The following SUN2 variants were observed in gnomAD, a reference collection of about 807,000 sequenced individuals.
SUN2 encodes the protein Sad1 and UNC84 domain containing 2.
Under a neutral mutation model 100.0 loss-of-function variants are expected in SUN2, and 60 were observed. The ratio of observed to expected loss-of-function variants is 0.60; its 90% CI spans 0.49 to 0.74. SUN2 has a LOEUF of 0.74. Ranked by LOEUF, SUN2 falls within the 30% of genes least tolerant of loss-of-function variation. The probability of loss-of-function intolerance (pLI) is 0.00; values close to 1 mark genes in which losing one functional copy is unlikely to be tolerated. For synonymous variants in SUN2, 367 were observed against 403.3 expected, an observed-to-expected ratio of 0.91 and a Z score of 1.08; for missense variants, 834 against 954.6, an observed-to-expected ratio of 0.87 and a Z score of 1.66.
chr22:38,741,313 G>T (rs2092855667), intron 10 of SUN2, among the ~76,000 whole-genome samples, 181 bp downstream of exon 10: 1 of 152,160 alleles, frequency 6.6e-6, no homozygotes, highest in South Asian at 2.1e-4. Context: ...ACACCCCAGG[G>T]AGCCCCTGCA....
intron 4 of SUN2, 71 bp from the exon 5 acceptor site, chr22:38,750,391 C>A (rs1201963334): frequency 6.3e-7 from 1 of 1,589,586 alleles, no homozygotes; most frequent in South Asian, 1.1e-5. Flanking sequence ...CTTCTGTGAG[C>A]CAAGACCACA....
chr22:38,741,862 C>G (rs2092860923), intron 9 of SUN2, among the ~76,000 whole-genome samples: 1 of 152,240 alleles, frequency 6.6e-6, no homozygotes, highest in Non-Finnish European at 1.5e-5. Context: ...GTGAGGAGGC[C>G]TGGCGTGGTG....
chr22:38,738,109 G>C lies in SUN2; in HGVS notation c.2040+64C>G. 3.4e-6 allele frequency: 5 copies of C among 1,471,696 alleles called. No homozygotes were observed. Among genetic ancestry groups the C allele is most frequent in the Non-Finnish European group, 3.8e-6 (4 of 1,050,712 alleles). The allele number at this position is 1,471,696 out of a possible 1,614,324, so 91.2% of individuals were successfully genotyped here. ...CCATGCCTGGCAGGGTAAGTGCCCA[G>C]GGAGCACCTGCTGCCTGGATGGGGA... On this transcript the variant is annotated intron_variant, in intron 17 of 17. Transcript: ENST00000689035. The surrounding 1 kb of genome is among the most constrained non-coding windows in gnomAD (Gnocchi z 6.6).
intron 10 of SUN2, among the ~76,000 whole-genome samples, chr22:38,741,285 A>T (rs1325407432): frequency 1.3e-5 from 2 of 152,204 alleles, no homozygotes; most frequent in Admixed American, 6.5e-5. Context: ...CCAGCATGAC[A>T]GGCCGCTGTG....
chr22:38,742,228 T>C (rs2092864473), intron 9 of SUN2, 73 bp downstream of exon 9: 6 of 1,504,716 alleles, frequency 4.0e-6, no homozygotes, highest in Non-Finnish European at 5.3e-6. Context: ...ACTTGTTCTC[T>C]CTGCTGCTGG....
intron 17 of SUN2, 135 bp from the exon 18 acceptor site, chr22:38,736,515 C>T (rs2145916048): frequency 4.5e-6 from 3 of 661,560 alleles, no homozygotes; most frequent in Non-Finnish European, 7.3e-6. Context: ...TGAAGAGAAC[C>T]AGGCTTCAAA....
rs1466505953 is a variant in SUN2, at chr22:38,741,066, G to C, written c.1147-16C>G. 6.3e-7 allele frequency: 1 copy of C among 1,591,358 alleles called. No individual in the cohort carries two copies. The highest frequency in any genetic ancestry group is 1.3e-5 in the African/African-American group (1 of 74,512). ...CCTCGGACTCCTGTGTAGGAAGAAGGGACAAATACAAGAAATACTCATCTC... is the reference window on the plus strand; with the variant it reads ...CCTCGGACTCCTGTGTAGGAAGAAGCGACAAATACAAGAAATACTCATCTC... On this transcript the variant is annotated splice_polypyrimidine_tract_variant and intron_variant, in intron 10 of 17. Transcript: ENST00000689035.
rs758675789 is a variant in SUN2, at chr22:38,741,510, ATCT to A, written c.1127_1129del (p.Lys376del). 6 of 1,613,936 alleles carry A rather than the reference ATCT, an allele frequency of 3.7e-6. No individual in the cohort carries two copies. The highest frequency in any genetic ancestry group is 1.1e-5 in the South Asian group (1 of 91,074). On this transcript the variant is annotated inframe_deletion, in exon 10 of 18. Coordinates refer to ENST00000689035, the MANE Select transcript of SUN2 (RefSeq NM_015374.3). ...CCCGCTGACCTGGGAGGCCCGGACG[ATCT>A]TCTTGAAGAGGTCTTCTGAGTCTTG...
intron 1 of SUN2, among the ~76,000 whole-genome samples, chr22:38,753,898 T>G (rs762281760): frequency 6.6e-6 from 1 of 152,182 alleles, no homozygotes; most frequent in Non-Finnish European, 1.5e-5. Flanking sequence ...GTTTCAGGAA[T>G]GTATTGAAGA....
At position 38,739,749 on chromosome 22, in the gene SUN2, T is replaced by C; in HGVS notation, c.1551A>G (p.Lys517=). 6.2e-7 allele frequency: 1 copy of C among 1,613,700 alleles called. No individual in the cohort carries two copies. Among genetic ancestry groups the C allele is most frequent in the East Asian group, 2.2e-5 (1 of 44,874 alleles). Residue 517 remains lysine (K), a synonymous_variant, in exon 13 of 18, where the codon AAA becomes AAG. Transcript: ENST00000689035. This position sits in a 1 kb window ranked among gnomAD's most constrained non-coding sequence, Gnocchi z 6.7. The part of the protein sequence containing the change: ...AAASLSLTLQ[K]EGVIGVTEEQ... ...CCTCTGTCACTCCAATCACACCTTC[T>C]TTCTGCAGCGTCAGGCTCAGGGAGG... is the stretch of plus-strand genomic sequence containing the variant.
At chr22:38,745,835 AC>A in intron 7 of SUN2, 24 bp from the exon 8 acceptor site, 2 of 1,609,914 alleles carry the variant, frequency 1.2e-6, no homozygotes, top group Non-Finnish European at 1.7e-6. Context: ...AGAGGGTGTT[AC>A]CCCAGCTGGG....
At chr22:38,754,609 C>A in intron 1 of SUN2, 1 of 457,816 alleles carries the variant, frequency 2.2e-6, no homozygotes, top group Non-Finnish European at 4.2e-6. Flanking sequence ...AATCTCCCCT[C>A]CCCCCTCCCT....
chr22:38,754,603 TCCCCTCCCCC>T, intron 1 of SUN2: 5 of 889,144 alleles, frequency 5.6e-6, no homozygotes, highest in Non-Finnish European at 8.0e-6. Flanking sequence ...TAAGGTAATC[TCCCCTCCCCC>T]CTCCCTGCCC....
Position 38,755,296 on chromosome 22 carries a change from C to T in SUN2, c.-38+467G>A, listed in dbSNP as rs1366136594. Reference sequence around the variant, plus strand: ...CCTGCAGAAATTGTCACCAAAGGCGCGCCTCCTGGCTCTCTAAGTCACACC... The same window carrying T: ...CCTGCAGAAATTGTCACCAAAGGCGTGCCTCCTGGCTCTCTAAGTCACACC... On this transcript the variant is annotated intron_variant, in intron 1 of 17. Transcript: ENST00000689035. This position sits in a 1 kb window ranked among gnomAD's most constrained non-coding sequence, Gnocchi z 5.7. 1.8e-6 allele frequency: 2 copies of T among 1,119,444 alleles called. No homozygotes were observed. The allele number at this position is 1,119,444 out of a possible 1,614,324, so 69.3% of individuals were successfully genotyped here. A position where few individuals can be genotyped will look rare whatever the true frequency, so the allele number is the denominator to read the frequency against.
Position 38,751,310 on chromosome 22 carries a change from G to A in SUN2, c.186C>T (p.Ser62=). 1 of 1,614,174 alleles carries A rather than the reference G, an allele frequency of 6.2e-7. No individual in the cohort carries two copies. Among genetic ancestry groups the A allele is most frequent in the African/African-American group, 1.3e-5 (1 of 75,052 alleles). The stretch of plus-strand genomic sequence containing the variant: ...TGTAGTAGGAGGTGTGTGCATCAGA[G>A]GACGGGCCCAGCTGTGGCGCTGGGG... ...RLSPAPQLGP[S]SDAHTSYYSE... Residue 62 remains serine (S), a synonymous_variant, in exon 3 of 18, where the codon TCC becomes TCT. Coordinates refer to ENST00000689035, the MANE Select transcript of SUN2 (RefSeq NM_015374.3).
chr22:38,739,167 G>A lies in SUN2; in HGVS notation c.1663+175C>T, dbSNP rs1394199890. 9 of 895,646 alleles carry A rather than the reference G, an allele frequency of 1.0e-5. No individual in the cohort carries two copies. The highest frequency in any genetic ancestry group is 6.3e-5 in the South Asian group (4 of 63,868). The allele number at this position is 895,646 out of a possible 1,614,324, so 55.5% of individuals were successfully genotyped here. The stretch of plus-strand genomic sequence containing the variant: ...CTCTCCCTGGCCCAGGATGGTACTC[G>A]GTACGTCCTGACTTCCCTGAATTGC... On this transcript the variant is annotated intron_variant, in intron 14 of 17. Coordinates refer to ENST00000689035, the MANE Select transcript of SUN2 (RefSeq NM_015374.3). This position sits in a 1 kb window ranked among gnomAD's most constrained non-coding sequence, Gnocchi z 6.7.
rs143795190 is a variant in SUN2, at chr22:38,738,545, C to T, written c.1947+42G>A. The T allele has an allele frequency of 6.3e-7, 1 of 1,592,842 alleles. No individual in the cohort carries two copies. The highest frequency in any genetic ancestry group is 1.7e-5 in the Admixed American group (1 of 59,232). On this transcript the variant is annotated intron_variant, in intron 16 of 17. Coordinates refer to ENST00000689035, the MANE Select transcript of SUN2 (RefSeq NM_015374.3). This position sits in a 1 kb window ranked among gnomAD's most constrained non-coding sequence, Gnocchi z 6.6. ...CCTCAGTAGAGAGGCCCACAGGATC[C>T]CCCTGCAGCCCCTCTGGCCCCACCA...
Position 38,740,123 on chromosome 22 carries a change from C to A in SUN2, c.1356+144G>T. 1 of 1,253,354 alleles carries A rather than the reference C, an allele frequency of 8.0e-7. No individual in the cohort carries two copies. The highest frequency in any genetic ancestry group is 2.8e-4 in the Middle Eastern group (1 of 3,522). The allele number at this position is 1,253,354 out of a possible 1,614,324, so 77.6% of individuals were successfully genotyped here. On this transcript the variant is annotated intron_variant, in intron 12 of 17. Coordinates refer to ENST00000689035, the MANE Select transcript of SUN2 (RefSeq NM_015374.3). This position sits in a 1 kb window ranked among gnomAD's most constrained non-coding sequence, Gnocchi z 4.8. Reference sequence around the variant, plus strand: ...CAGGAAGAACGCCTGTCAGTGAGAGCCCACATGTGTCAAGGCCAACGCCAC... The same window carrying A: ...CAGGAAGAACGCCTGTCAGTGAGAGACCACATGTGTCAAGGCCAACGCCAC...
In SUN2 at chr22:38,738,263, C is replaced by T; in HGVS notation, c.1950G>A (p.Gly650=). 1 of 1,613,556 alleles carries T rather than the reference C, an allele frequency of 6.2e-7. No homozygotes were observed. The highest frequency in any genetic ancestry group is 8.5e-7 in the Non-Finnish European group (1 of 1,179,784). The change falls in exon 17 of 18, where the codon GGG becomes GGA. Residue 650 remains glycine (G), a splice_region_variant and synonymous_variant. Transcript: ENST00000689035. This position sits in a 1 kb window ranked among gnomAD's most constrained non-coding sequence, Gnocchi z 6.6. ...SSAPKDFAIF[G]FDEDLQQEGT... ...CCTCCTGCTGCAGGTCTTCGTCAAA[C>T]CCCTGCAAAGAGAGCGGAGGGAAGT... is the stretch of plus-strand genomic sequence containing the variant.
Sources: allele counts gnomAD v4.1 joint callset (sites outside exome capture counted in the v4.1 genomes callset), GRCh38; gene constraint gnomAD v4.1.1; non-coding constraint Gnocchi (gnomAD v3.1); transcripts MANE v1.5; gene names NCBI Gene and HGNC (gene_info 2026-07-23, HGNC 2026-07-21).